GPHN: variants seen among roughly 807,000 people sequenced by gnomAD.
GPHN encodes the protein gephyrin.
GPHN carries 17 observed loss-of-function variants against 95.5 expected under a neutral mutation model. The observed-to-expected ratio is 0.18, with a 90% CI of 0.12 to 0.27. The LOEUF (loss-of-function observed/expected upper bound fraction) is 0.27. Among genes scored for constraint, GPHN ranks in the 10% least tolerant of loss-of-function variants. The pLI, the probability that GPHN is intolerant of heterozygous loss-of-function variation, is 1.00. For synonymous variants in GPHN, 320 were observed against 322.5 expected (o/e 0.99, Z 0.08); for missense variants, 660 against 978.1 (o/e 0.67, Z 4.34).
At chr14:67,616,836 A>G in the GPHN span, 1 of 152,052 alleles carries the variant, frequency 6.6e-6, no homozygotes, top group Non-Finnish European at 1.5e-5. Flanking sequence ...TCATGAAACA[A>G]AGTTTTGACT....
At chr14:66,890,680 A>AC (rs1168845903) in intron 5 of GPHN, among the ~76,000 whole-genome samples, 16 of 152,036 alleles carry the variant, frequency 1.1e-4, no homozygotes, top group African/African-American at 3.6e-4. Flanking sequence ...CTCAAAAAAA[A>AC]CCCCCAGCAA....
At position 66,808,529 on chromosome 14, in the gene GPHN, G is replaced by A. The variant is rs148799761; in HGVS notation, c.202-15945G>A. Among the ~76,000 whole-genome samples the A allele has an allele frequency of 1.4e-3, 208 of 152,298 alleles. 1 individual carries two copies. Among genetic ancestry groups the A allele is most frequent in the African/African-American group, 4.5e-3 (185 of 41,572 alleles). On this transcript the variant is annotated intron_variant, in intron 3 of 22. Transcript: ENST00000478722. ...GTATAAAATATTTTAGACCAGGCGC[G>A]GTGGCTCACGCCTGTAATCCCAACA...
intron 1 of GPHN, among the ~76,000 whole-genome samples, chr14:66,515,062 T>C (rs985592670): frequency 6.6e-6 from 1 of 152,172 alleles, no homozygotes; most frequent in South Asian, 2.1e-4. Context: ...GTAACGCATA[T>C]GAAAATGCCT....
chr14:67,189,379 T>TGCA, the GPHN span: 1 of 152,206 alleles, frequency 6.6e-6, no homozygotes, highest in Non-Finnish European at 1.5e-5. Context: ...ATGATTATGA[T>TGCA]GCAGCAGCAA....
the GPHN span, among the ~76,000 whole-genome samples, chr14:67,409,745 C>T: frequency 1.3e-5 from 2 of 152,192 alleles, no homozygotes; most frequent in Non-Finnish European, 2.9e-5. Context: ...CTGCTCTGCA[C>T]TCCGGCTTCC....
the GPHN span, among the ~76,000 whole-genome samples, chr14:67,230,341 C>T: frequency 9.9e-5 from 15 of 152,068 alleles, no homozygotes; most frequent in Non-Finnish European, 1.8e-4. Flanking sequence ...GCACTTTGGG[C>T]GGCTGAGGCA....
chr14:67,028,104 A>G (rs2074016169), intron 10 of GPHN, among the ~76,000 whole-genome samples: 1 of 152,104 alleles, frequency 6.6e-6, no homozygotes, highest in Non-Finnish European at 1.5e-5. Context: ...TTTAACTCCC[A>G]CAGATTAATG....
intron 1 of GPHN, among the ~76,000 whole-genome samples, chr14:66,563,805 C>T (rs957710163): frequency 2.6e-5 from 4 of 151,964 alleles, no homozygotes; most frequent in Admixed American, 6.6e-5. Flanking sequence ...ATTCTGATTG[C>T]TTGCATTTCC....
chr14:67,642,104 C>A, the GPHN span: 2 of 1,310,944 alleles, frequency 1.5e-6, no homozygotes, highest in Admixed American at 1.8e-5. Flanking sequence ...TACTTTGTCA[C>A]GTATTATCAT....
intron 11 of GPHN, among the ~76,000 whole-genome samples, chr14:67,065,757 C>CTTTTTT (rs201638278): frequency 7.8e-6 from 1 of 128,514 alleles, no homozygotes; most frequent in African/African-American, 3.0e-5. Context: ...GCAACCCCTG[C>CTTTTTT]TTTTTTTTTT....
chr14:66,799,321 T>A (rs920799103), intron 3 of GPHN, among the ~76,000 whole-genome samples: 1 of 152,020 alleles, frequency 6.6e-6, no homozygotes, highest in African/African-American at 2.4e-5. Context: ...TGTAAATATC[T>A]ATTAGATCTA....
chr14:67,700,843 G>C, the GPHN span, among the ~76,000 whole-genome samples: 4 of 151,840 alleles, frequency 2.6e-5, no homozygotes, highest in Non-Finnish European at 4.4e-5. Context: ...TGGCTAGAAT[G>C]ATGAAACTCT....
intron 2 of GPHN, among the ~76,000 whole-genome samples, chr14:66,741,476 A>G (rs771449022): frequency 1.1e-4 from 16 of 152,164 alleles, no homozygotes; most frequent in Non-Finnish European, 1.8e-4. Flanking sequence ...AGGCAATTCA[A>G]TATTAGGAAG....
At chr14:67,251,536 C>G in the GPHN span, among the ~76,000 whole-genome samples, 1 of 151,540 alleles carries the variant, frequency 6.6e-6, no homozygotes, top group African/African-American at 2.4e-5. Flanking sequence ...GAGAACCTGT[C>G]TCAAAAAAAA....
chr14:67,696,191 A>G, the GPHN span, among the ~76,000 whole-genome samples: 3 of 152,130 alleles, frequency 2.0e-5, no homozygotes, highest in South Asian at 4.1e-4. Context: ...ACTTATTCCT[A>G]TAGTGTACTA....
the GPHN span, chr14:67,574,121 G>A: frequency 0.087 from 70,493 of 806,628 alleles, 3,495 homozygotes; most frequent in Middle Eastern, 0.12. This position sits in a 1 kb window ranked among gnomAD's most constrained non-coding sequence, Gnocchi z 4.2. Context: ...AAAGGAGGGA[G>A]CACTAGGGCA....
intron 18 of GPHN, among the ~76,000 whole-genome samples, chr14:67,157,820 C>T (rs1167685714): frequency 6.7e-6 from 1 of 149,242 alleles, no homozygotes; most frequent in African/African-American, 2.5e-5. Context: ...AGAGAGAGAC[C>T]CCGTCTCAAG....
chr14:66,520,480 G>A (rs2058431433), intron 1 of GPHN, among the ~76,000 whole-genome samples: 1 of 152,110 alleles, frequency 6.6e-6, no homozygotes, highest in African/African-American at 2.4e-5. Flanking sequence ...ATAGATTACA[G>A]AGGAGGAGCT....
chr14:67,618,651 A>C, the GPHN span, among the ~76,000 whole-genome samples: 1 of 151,950 alleles, frequency 6.6e-6, no homozygotes, highest in Admixed American at 6.6e-5. Flanking sequence ...AAAGTGTTGG[A>C]ATTACAGGTG....
Sources: allele counts gnomAD v4.1 joint callset (sites outside exome capture counted in the v4.1 genomes callset), GRCh38; gene constraint gnomAD v4.1.1; non-coding constraint Gnocchi (gnomAD v3.1); transcripts MANE v1.5; gene names NCBI Gene and HGNC (gene_info 2026-07-23, HGNC 2026-07-21).